ILRUN: variants seen among roughly 807,000 people sequenced by gnomAD.
The protein encoded by ILRUN is inflammation and lipid regulator with UBA-like and NBR1-like domains, also known as protein ILRUN.
ILRUN carries 3 observed loss-of-function variants against 33.8 expected under a neutral mutation model. That is an observed-to-expected ratio of 0.09 (90% CI 0.04 to 0.23). ILRUN has a LOEUF of 0.23. Among genes scored for constraint, ILRUN ranks in the 10% least tolerant of loss-of-function variants. The pLI is 1.00. For missense variants in ILRUN, 210 were observed against 375.1 expected (o/e 0.56, Z 3.64); for synonymous variants, 124 against 138.9 (o/e 0.89, Z 0.75).
intron 4 of ILRUN, among the ~76,000 whole-genome samples, chr6:34,593,290 T>C (rs1000417187): frequency 6.6e-6 from 1 of 152,182 alleles, no homozygotes; most frequent in Non-Finnish European, 1.5e-5. Flanking sequence ...TATTTACCCC[T>C]TTACCCTAAA....
At chr6:34,653,967 T>C (rs917109478) in intron 2 of ILRUN, among the ~76,000 whole-genome samples, 109 of 118,784 alleles carry the variant, frequency 9.2e-4, no homozygotes, top group Non-Finnish European at 2.1e-4. Context: ...CGAGATGCTG[T>C]CTCAAAAAAA....
chr6:34,599,221 A>G (rs927358039), intron 4 of ILRUN, among the ~76,000 whole-genome samples: 6 of 152,174 alleles, frequency 3.9e-5, no homozygotes. Flanking sequence ...ATACTTCCCT[A>G]TTATTTTTTC....
chr6:34,604,523 G>GT (rs889893831), intron 4 of ILRUN, among the ~76,000 whole-genome samples: 5 of 152,298 alleles, frequency 3.3e-5, no homozygotes, highest in African/African-American at 4.8e-5. Context: ...GGAGCAATTG[G>GT]TTGTTTTGCC....
rs1427572360 is a variant in ILRUN, at chr6:34,677,766, T to C, written c.158+18680A>G. 2.6e-5 allele frequency among the ~76,000 whole-genome samples: 4 copies of C among 152,058 alleles called. No homozygotes were observed. In the East Asian group the frequency reaches 5.8e-4, roughly 22 times the overall value. On this transcript the variant is annotated intron_variant, in intron 1 of 4. Coordinates refer to ENST00000374023, the MANE Select transcript of ILRUN (RefSeq NM_024294.4). ...GAGTTCGAGGCCAGTCTGGACAATA[T>C]GACAAAACCCCCTATGTACAAAAAA...
In ILRUN at chr6:34,657,371, G is replaced by A. The variant is rs143034159; in HGVS notation, c.159-2592C>T. On this transcript the variant is annotated intron_variant, in intron 1 of 4. Coordinates refer to ENST00000374023, the MANE Select transcript of ILRUN (RefSeq NM_024294.4). ...ATCAGGATAGGACTTTAAGACCACT[G>A]CAGTAGGAACACTAGTAAGTGGGAA... is the stretch of plus-strand genomic sequence containing the variant. Among the ~76,000 whole-genome samples, 1,377 of 152,294 alleles carry A rather than the reference G, an allele frequency of 9.0e-3. 10 individuals are homozygous for A. The highest frequency in any genetic ancestry group is 0.024 in the Middle Eastern group (7 of 294).
Position 34,588,036 on chromosome 6 carries a change from C to T in ILRUN, c.*2529G>A, listed in dbSNP as rs1761228492. ...ACTACCACCCCACTAGGCAGGGGAGCAGAGAGGGGCCCTAGGCATTGCTCT... is the reference window on the plus strand; with the variant it reads ...ACTACCACCCCACTAGGCAGGGGAGTAGAGAGGGGCCCTAGGCATTGCTCT... On this transcript the variant is annotated 3_prime_UTR_variant, in exon 5 of 5. Coordinates refer to ENST00000374023, the MANE Select transcript of ILRUN (RefSeq NM_024294.4). 2.5e-6 allele frequency: 1 copy of T among 398,706 alleles called. No homozygotes were observed. Among genetic ancestry groups the T allele is most frequent in the Non-Finnish European group, 4.4e-6 (1 of 226,154 alleles). 24.7% of individuals were successfully genotyped at this position (398,706 alleles called of 1,614,324 possible).
chr6:34,644,450 A>T (rs910129700), intron 3 of ILRUN, among the ~76,000 whole-genome samples: 4 of 152,232 alleles, frequency 2.6e-5, no homozygotes, highest in Admixed American at 2.6e-4. Flanking sequence ...CCAAGAGAAG[A>T]AACAAAGGAG....
At chr6:34,693,676 T>TA (rs202019622) in intron 1 of ILRUN, among the ~76,000 whole-genome samples, 1,929 of 150,458 alleles carry the variant, frequency 0.013, 18 homozygotes, top group Middle Eastern at 0.024. Context: ...TATTTTATTT[T>TA]TTTTTTTTGA....
intron 3 of ILRUN, among the ~76,000 whole-genome samples, chr6:34,608,158 C>G (rs1761672181): frequency 6.6e-6 from 1 of 151,912 alleles, no homozygotes; most frequent in African/African-American, 2.4e-5. Context: ...CTCTGGGAGG[C>G]TGAGGCAGGA....
Position 34,592,144 on chromosome 6 carries a change from G to GT in ILRUN, c.862-1545dup. On this transcript the variant is annotated intron_variant, in intron 4 of 4. Coordinates refer to ENST00000374023, the MANE Select transcript of ILRUN (RefSeq NM_024294.4). This position sits in a 1 kb window ranked among gnomAD's most constrained non-coding sequence, Gnocchi z 4.0. Reference sequence around the variant, plus strand: ...GAAGGACATCTCTAGCTGCTTGGTCGTATCACTAAACTAAACAAAAAATCC... The same window carrying GT: ...GAAGGACATCTCTAGCTGCTTGGTCGTTATCACTAAACTAAACAAAAAATCC... Among the ~76,000 whole-genome samples the GT allele has an allele frequency of 6.6e-6, 1 of 152,254 alleles. No individual in the cohort carries two copies. Among genetic ancestry groups the GT allele is most frequent in the East Asian group, 1.9e-4 (1 of 5,184 alleles).
rs9469836 is a variant in ILRUN at position 34,647,002 on chromosome 6, C to A, written c.314-204G>T. 0.16 allele frequency among the ~76,000 whole-genome samples: 24,205 copies of A among 151,874 alleles called. 2,536 individuals are homozygous for A. Among genetic ancestry groups the A allele is most frequent in the African/African-American group, 0.29 (12,086 of 41,308 alleles). On this transcript the variant is annotated intron_variant, in intron 2 of 4. Transcript: ENST00000374023. Reference sequence around the variant, plus strand: ...AACAACCTCTGACCAATAGTCTAACCCTATGAAGAAGCACAAAAGGCAAAA... The same window carrying A: ...AACAACCTCTGACCAATAGTCTAACACTATGAAGAAGCACAAAAGGCAAAA...
intron 1 of ILRUN, among the ~76,000 whole-genome samples, chr6:34,681,971 C>G (rs1177666761): frequency 6.7e-6 from 1 of 148,304 alleles, no homozygotes; most frequent in Non-Finnish European, 1.5e-5. Context: ...CCTGACTCAG[C>G]CTCCCAAGTA....
chr6:34,630,169 C>A (rs1486750016), intron 3 of ILRUN, among the ~76,000 whole-genome samples: 1 of 152,178 alleles, frequency 6.6e-6, no homozygotes, highest in Non-Finnish European at 1.5e-5. Context: ...ATAGTGCATA[C>A]ACGTGGATAT....
At chr6:34,593,044 C>T (rs1761327521) in intron 4 of ILRUN, among the ~76,000 whole-genome samples, 1 of 151,824 alleles carries the variant, frequency 6.6e-6, no homozygotes, top group African/African-American at 2.4e-5. Flanking sequence ...TTGGACATGG[C>T]GACGCATGGC....
At chr6:34,647,422 G>A (rs1178293280) in intron 2 of ILRUN, among the ~76,000 whole-genome samples, 1 of 152,126 alleles carries the variant, frequency 6.6e-6, no homozygotes, top group Admixed American at 6.6e-5. Flanking sequence ...TATAAACAAT[G>A]GGGTGATCTC....
At chr6:34,650,753 C>G (rs745511829) in intron 2 of ILRUN, among the ~76,000 whole-genome samples, 1 of 152,062 alleles carries the variant, frequency 6.6e-6, no homozygotes. Flanking sequence ...CCACGCCTGG[C>G]CAGGAATTTA....
At chr6:34,656,547 C>T (rs1762775431) in intron 1 of ILRUN, among the ~76,000 whole-genome samples, 1 of 152,160 alleles carries the variant, frequency 6.6e-6, no homozygotes, top group South Asian at 2.1e-4. Context: ...CCACTTCCCA[C>T]GCTATGTAAC....
rs1461351457 is a variant in ILRUN, at chr6:34,592,403, C to T, written c.862-1803G>A. 2.0e-5 allele frequency among the ~76,000 whole-genome samples: 3 copies of T among 152,202 alleles called. No individual in the cohort carries two copies. Among genetic ancestry groups the T allele is most frequent in the Non-Finnish European group, 4.4e-5 (3 of 68,044 alleles). ...TGGCTGTCAGCCCGAGCCAACCACG[C>T]CTCTAGCAGACGAGCTATGAACCAT... On this transcript the variant is annotated intron_variant, in intron 4 of 4. Transcript: ENST00000374023. This position sits in a 1 kb window ranked among gnomAD's most constrained non-coding sequence, Gnocchi z 4.0.
At chr6:34,604,747 A>C (rs1400508969) in intron 4 of ILRUN, among the ~76,000 whole-genome samples, 1 of 152,162 alleles carries the variant, frequency 6.6e-6, no homozygotes, top group Non-Finnish European at 1.5e-5. Context: ...AATACAGGCA[A>C]TTTACTCTCT....
Sources: allele counts gnomAD v4.1 joint callset (sites outside exome capture counted in the v4.1 genomes callset), GRCh38; gene constraint gnomAD v4.1.1; non-coding constraint Gnocchi (gnomAD v3.1); transcripts MANE v1.5; gene names NCBI Gene and HGNC (gene_info 2026-07-23, HGNC 2026-07-21).